The following KIF13B variants were observed in gnomAD, a reference collection of about 807,000 sequenced individuals.
KIF13B encodes the protein kinesin-like protein KIF13B.
In KIF13B, 127 loss-of-function variants were observed where a neutral mutation model predicts 222.0. The observed-to-expected ratio is 0.57, with a 90% CI of 0.50 to 0.66. The LOEUF is 0.66. Ranked by LOEUF, KIF13B falls within the 30% of genes least tolerant of loss-of-function variation. The pLI is 0.00. For missense variants in KIF13B, 2,173 were observed against 2,379.0 expected (o/e 0.91, Z 1.80); for synonymous variants, 976 against 919.0 (o/e 1.06, Z -1.12).
chr8:29,109,003 C>T (rs1222874182), intron 34 of KIF13B, among the ~76,000 whole-genome samples: 1 of 152,144 alleles, frequency 6.6e-6, no homozygotes. Flanking sequence ...TGAAACAACC[C>T]CATGTATCTG....
intron 2 of KIF13B, among the ~76,000 whole-genome samples, chr8:29,226,202 TA>T (rs1348404672): frequency 6.6e-6 from 1 of 151,956 alleles, no homozygotes; most frequent in East Asian, 1.9e-4. Context: ...GGCAGCACAG[TA>T]AATTCTCTAA....
chr8:29,261,328 G>A (rs1009420075), intron 1 of KIF13B, among the ~76,000 whole-genome samples: 4 of 152,202 alleles, frequency 2.6e-5, no homozygotes, highest in Non-Finnish European at 5.9e-5. Context: ...ATTTATAAGA[G>A]AAAAGCATAA....
At position 29,258,569 on chromosome 8, in the gene KIF13B, C is replaced by A. The variant is rs545825302; in HGVS notation, c.55+4411G>T. Among the ~76,000 whole-genome samples the A allele has an allele frequency of 6.6e-5, 10 of 152,306 alleles. No individual in the cohort carries two copies. In the East Asian group the frequency reaches 1.7e-3, roughly 26 times the overall value. On this transcript the variant is annotated intron_variant, in intron 1 of 39. Coordinates refer to ENST00000524189, the MANE Select transcript of KIF13B (RefSeq NM_015254.4). ...TCCCATCATTCTCTAGCTATCCTCACAGAATCTCCATTCTGGCAGGCAGAT... is the reference window on the plus strand; with the variant it reads ...TCCCATCATTCTCTAGCTATCCTCAAAGAATCTCCATTCTGGCAGGCAGAT...
At chr8:29,215,607 G>T (rs1814441969) in intron 2 of KIF13B, among the ~76,000 whole-genome samples, 1 of 152,144 alleles carries the variant, frequency 6.6e-6, no homozygotes. Flanking sequence ...CAGGAGGATT[G>T]TATGAACCTA....
intron 32 of KIF13B, among the ~76,000 whole-genome samples, chr8:29,112,761 C>T (rs1464428617): frequency 6.6e-6 from 1 of 152,226 alleles, no homozygotes. Context: ...CCCAGCTGTG[C>T]TGGCACCTGG....
At chr8:29,201,612 T>A (rs1246287387) in intron 2 of KIF13B, among the ~76,000 whole-genome samples, 1 of 152,192 alleles carries the variant, frequency 6.6e-6, no homozygotes, top group African/African-American at 2.4e-5. Flanking sequence ...AAATACTGAA[T>A]CCAAATCCCA....
At chr8:29,187,804 T>C (rs1158739019) in intron 5 of KIF13B, among the ~76,000 whole-genome samples, 1 of 152,214 alleles carries the variant, frequency 6.6e-6, no homozygotes, top group Admixed American at 6.5e-5. Context: ...CCAGGACTTC[T>C]GTAAAAAGTT....
chr8:29,262,061 C>T (rs1402424791), intron 1 of KIF13B, among the ~76,000 whole-genome samples: 1 of 152,010 alleles, frequency 6.6e-6, no homozygotes, highest in African/African-American at 2.4e-5. Context: ...TAATAGTGAC[C>T]CCCAATGACA....
chr8:29,096,303 T>C (rs557656220), intron 36 of KIF13B, among the ~76,000 whole-genome samples: 248 of 147,434 alleles, frequency 1.7e-3, no homozygotes, highest in African/African-American at 5.8e-3. Flanking sequence ...CTTTTTTTTT[T>C]TTTTTTTTTT....
At chr8:29,078,127 CA>C (rs10530503) in intron 37 of KIF13B, among the ~76,000 whole-genome samples, 10 of 74,278 alleles carry the variant, frequency 1.3e-4, no homozygotes, top group East Asian at 5.6e-4. Context: ...TACTAAAATC[CA>C]AAAAAAAAAA....
At chr8:29,157,027 T>C (rs1811563815) in intron 13 of KIF13B, among the ~76,000 whole-genome samples, 1 of 152,124 alleles carries the variant, frequency 6.6e-6, no homozygotes, top group Non-Finnish European at 1.5e-5. Context: ...TCTTGAGTCC[T>C]CTTTCTTTCT....
At chr8:29,091,001 AG>A (rs1207459026) in intron 37 of KIF13B, among the ~76,000 whole-genome samples, 3 of 152,202 alleles carry the variant, frequency 2.0e-5, no homozygotes, top group Non-Finnish European at 4.4e-5. Context: ...TATAGGTGTG[AG>A]CCACTGCACT....
chr8:29,096,293 C>CTTTTTTT (rs61008499), intron 36 of KIF13B, among the ~76,000 whole-genome samples: 2 of 76,692 alleles, frequency 2.6e-5, no homozygotes, highest in African/African-American at 8.4e-5. Flanking sequence ...CCAAGCTTTT[C>CTTTTTTT]TTTTTTTTTT....
chr8:29,185,134 C>G (rs1812872581), intron 6 of KIF13B, among the ~76,000 whole-genome samples: 1 of 152,094 alleles, frequency 6.6e-6, no homozygotes, highest in East Asian at 1.9e-4. Flanking sequence ...TCCGACCACA[C>G]TGAACTGCTG....
At chr8:29,094,465 A>C (rs1197092243) in intron 36 of KIF13B, among the ~76,000 whole-genome samples, 1 of 152,232 alleles carries the variant, frequency 6.6e-6, no homozygotes, top group Non-Finnish European at 1.5e-5. Context: ...TATGGTAAGC[A>C]AAAGAGACAG....
At chr8:29,090,805 G>A (rs896537331) in intron 37 of KIF13B, among the ~76,000 whole-genome samples, 1 of 152,174 alleles carries the variant, frequency 6.6e-6, no homozygotes, top group Non-Finnish European at 1.5e-5. Flanking sequence ...TGCCTCCCGC[G>A]TTCAAGCGAT....
rs1243016556 is a variant in KIF13B at position 29,069,361 on chromosome 8, A to G, written c.*1143T>C. 2 of 152,316 alleles carry G rather than the reference A, an allele frequency of 1.3e-5. No homozygotes were observed. Among genetic ancestry groups the G allele is most frequent in the East Asian group, 3.9e-4 (2 of 5,178 alleles). 9.4% of individuals were successfully genotyped at this position (152,316 alleles called of 1,614,324 possible). ...GGAGACTAACCAGCACACTCCCTGC[A>G]CCAGCCCAGCCGCCAGGCCCCAGCC... On this transcript the variant is annotated 3_prime_UTR_variant, in exon 40 of 40. Transcript: ENST00000524189.
rs781142652 is a variant in KIF13B, at chr8:29,245,408, A to C, written c.87T>G (p.Asp29Glu). The C allele has an allele frequency of 1.2e-6, 2 of 1,602,592 alleles. No individual in the cohort carries two copies. The highest frequency in any genetic ancestry group is 4.5e-5 in the East Asian group (2 of 44,734). ...TAAGAATAACCTTGTTTGCATCCAC[A>C]TCCACCACACATTTGGTATGCAAGT... ...ETDLHTKCVVDVDANKVILNP... is the reference protein window; with the variant it reads ...ETDLHTKCVVEVDANKVILNP... The change falls in exon 2 of 40, where the codon GAT becomes GAG. Residue 29 changes from aspartate (D) to glutamate (E), a missense_variant. Physicochemically the swap from Asp to Glu is conservative, Grantham distance 45 (BLOSUM62 2). Transcript: ENST00000524189.
Position 29,138,267 on chromosome 8 carries a change from G to A in KIF13B, c.2613+1796C>T, listed in dbSNP as rs540593706. ...GGAGAATCGCTTGAACCCAGGAGGTGGAGGGTGCAGTGAGCTGAGATCACA... is the reference window on the plus strand; with the variant it reads ...GGAGAATCGCTTGAACCCAGGAGGTAGAGGGTGCAGTGAGCTGAGATCACA... On this transcript the variant is annotated intron_variant, in intron 21 of 39. Transcript: ENST00000524189. 1.8e-3 allele frequency among the ~76,000 whole-genome samples: 270 copies of A among 152,170 alleles called. 2 individuals carry two copies. Among genetic ancestry groups the A allele is most frequent in the African/African-American group, 6.3e-3 (261 of 41,508 alleles).
Sources: gnomAD v4.1 joint callset for allele counts (sites outside exome capture counted in the v4.1 genomes callset) on GRCh38, gnomAD v4.1.1 for gene constraint, MANE v1.5 for transcripts, NCBI Gene and HGNC (gene_info 2026-07-23, HGNC 2026-07-21) for gene names.